WDR7: variants seen among roughly 807,000 people sequenced by gnomAD.
WDR7 encodes the protein WD repeat-containing protein 7.
In WDR7, 46 loss-of-function variants were observed where a neutral mutation model predicts 169.4. The observed-to-expected ratio is 0.27, with a 90% CI of 0.21 to 0.35. The LOEUF (loss-of-function observed/expected upper bound fraction) is 0.35. WDR7 is among the 10% of genes least tolerant of loss of function. The pLI, the probability that WDR7 is intolerant of heterozygous loss-of-function variation, is 1.00. For missense variants in WDR7, 1,534 were observed against 1,859.3 expected, an observed-to-expected ratio of 0.83 and a Z score of 3.22; for synonymous variants, 612 against 666.8, an observed-to-expected ratio of 0.92 and a Z score of 1.27.
At chr18:56,883,159 G>A (rs904377773) in intron 21 of WDR7, among the ~76,000 whole-genome samples, 78 of 150,068 alleles carry the variant, frequency 5.2e-4, no homozygotes, top group Non-Finnish European at 4.4e-4. Flanking sequence ...GCAGTGAGCC[G>A]AGGTGGCGCC....
intron 21 of WDR7, among the ~76,000 whole-genome samples, chr18:56,917,152 A>G (rs1371163801): frequency 2.0e-5 from 3 of 151,990 alleles, no homozygotes; most frequent in Non-Finnish European, 4.4e-5. Context: ...AGCCGAGATC[A>G]TGCCGTTGCA....
intron 26 of WDR7, among the ~76,000 whole-genome samples, chr18:56,970,816 T>G (rs1488959770): frequency 2.0e-5 from 3 of 152,208 alleles, no homozygotes; most frequent in East Asian, 3.8e-4. Context: ...TTATATAACT[T>G]TTATGAATAT....
At chr18:56,765,725 C>G (rs908984757) in intron 16 of WDR7, among the ~76,000 whole-genome samples, 6 of 123,312 alleles carry the variant, frequency 4.9e-5, no homozygotes, top group Non-Finnish European at 1.1e-4. Context: ...ATCAAGACTT[C>G]TATCTGGTAA....
intron 22 of WDR7, among the ~76,000 whole-genome samples, chr18:56,933,539 A>G (rs1426367732): frequency 6.6e-6 from 1 of 152,262 alleles, no homozygotes; most frequent in Non-Finnish European, 1.5e-5. Flanking sequence ...ATATTGAATA[A>G]AACAGCTGAA....
At chr18:56,900,082 G>GTGTATATATATATATATATA (rs1409730889) in intron 21 of WDR7, among the ~76,000 whole-genome samples, 7 of 32,062 alleles carry the variant, frequency 2.2e-4, no homozygotes, top group African/African-American at 4.3e-4. Flanking sequence ...GTGTGTGTGT[G>GTGTATATATATATATATATA]TATATATATA....
chr18:56,875,956 A>G (rs2046016322), intron 20 of WDR7, among the ~76,000 whole-genome samples: 4 of 152,136 alleles, frequency 2.6e-5, no homozygotes, highest in Admixed American at 2.6e-4. Context: ...TTGACCTCAC[A>G]ATTCATCCAC....
chr18:56,979,556 C>G (rs575139286), intron 26 of WDR7, among the ~76,000 whole-genome samples: 2 of 152,258 alleles, frequency 1.3e-5, no homozygotes, highest in South Asian at 4.1e-4. Context: ...AGCTTTGCTC[C>G]GAACAGGGAC....
intron 15 of WDR7, 45 bp downstream of exon 15, chr18:56,757,397 G>GA (rs1314309642): frequency 6.8e-7 from 1 of 1,478,074 alleles, no homozygotes; most frequent in Admixed American, 2.2e-5. Flanking sequence ...TTCAAAAAAA[G>GA]AAACCTGTTT....
intron 22 of WDR7, among the ~76,000 whole-genome samples, chr18:56,931,597 CT>C (rs2046885150): frequency 6.6e-6 from 1 of 152,170 alleles, no homozygotes; most frequent in Non-Finnish European, 1.5e-5. Flanking sequence ...TGTTTCAAAT[CT>C]GTGCAGAGTT....
chr18:56,820,349 A>AAC (rs1255879559), intron 20 of WDR7, among the ~76,000 whole-genome samples: 1 of 144,914 alleles, frequency 6.9e-6, no homozygotes, highest in Non-Finnish European at 1.5e-5. Context: ...CAAAAAAAAA[A>AAC]AAAAAAAAAA....
intron 14 of WDR7, among the ~76,000 whole-genome samples, chr18:56,754,247 T>TTG (rs71169393): frequency 0.16 from 22,191 of 141,402 alleles, 1,721 homozygotes; most frequent in East Asian, 0.24. Flanking sequence ...GTTTTGTGCT[T>TTG]TGTGTGTGTG....
chr18:56,808,221 G>A (rs2044809403), intron 19 of WDR7, among the ~76,000 whole-genome samples: 2 of 152,138 alleles, frequency 1.3e-5, no homozygotes, highest in African/African-American at 2.4e-5. Context: ...AATAAATTCA[G>A]GCCTTCTGCC....
At chr18:57,011,925 A>C (rs1362991951) in intron 26 of WDR7, among the ~76,000 whole-genome samples, 1 of 152,164 alleles carries the variant, frequency 6.6e-6, no homozygotes, top group Non-Finnish European at 1.5e-5. Flanking sequence ...ATTATCCTTT[A>C]CTTAAAAAGT....
intron 26 of WDR7, among the ~76,000 whole-genome samples, chr18:57,004,007 C>T (rs2048020720): frequency 6.6e-6 from 1 of 151,894 alleles, no homozygotes; most frequent in Admixed American, 6.6e-5. Context: ...ATATTATACC[C>T]TCCACATGTG....
At chr18:56,842,254 G>A (rs1409548494) in intron 20 of WDR7, among the ~76,000 whole-genome samples, 1 of 151,444 alleles carries the variant, frequency 6.6e-6, no homozygotes, top group African/African-American at 2.4e-5. Context: ...GTCTGCATCT[G>A]GTGAGGGCCT....
chr18:56,872,114 G>C (rs891600600), intron 20 of WDR7, among the ~76,000 whole-genome samples: 1 of 152,012 alleles, frequency 6.6e-6, no homozygotes, highest in Non-Finnish European at 1.5e-5. Context: ...TAAAGTATCT[G>C]CTAGTAGTCC....
At chr18:56,951,775 A>C (rs2145739336) in intron 25 of WDR7, among the ~76,000 whole-genome samples, 1 of 152,088 alleles carries the variant, frequency 6.6e-6, no homozygotes, top group African/African-American at 2.4e-5. Flanking sequence ...CTGCTTTTTC[A>C]AAGATTTAAG....
chr18:57,013,235 A>G (rs2048161305), intron 26 of WDR7, among the ~76,000 whole-genome samples: 1 of 152,168 alleles, frequency 6.6e-6, no homozygotes, highest in Non-Finnish European at 1.5e-5. Context: ...TAACACTGCC[A>G]CTGACCTGAC....
At chr18:56,682,588 A>G in intron 4 of WDR7, 91 bp from the exon 5 acceptor site, 1 of 1,402,650 alleles carries the variant, frequency 7.1e-7, no homozygotes, top group Non-Finnish European at 9.7e-7. Context: ...TTAGGAGAAT[A>G]TTGTAATAAC....
Sources: gnomAD v4.1 joint callset for allele counts (sites outside exome capture counted in the v4.1 genomes callset) on GRCh38, gnomAD v4.1.1 for gene constraint, MANE v1.5 for transcripts, NCBI Gene and HGNC (gene_info 2026-07-23, HGNC 2026-07-21) for gene names.